PKP4: variants seen among roughly 807,000 people sequenced by gnomAD.
The protein encoded by PKP4 is plakophilin 4.
A neutral mutation model predicts 145.1 loss-of-function variants in PKP4; 90 were observed. The observed-to-expected ratio is 0.62, with a 90% CI of 0.52 to 0.74. The LOEUF (loss-of-function observed/expected upper bound fraction) is 0.74, where lower values mean the gene tolerates loss of function less well. Ranked by LOEUF, PKP4 falls within the 30% of genes least tolerant of loss-of-function variation. The probability of loss-of-function intolerance (pLI) is 0.00; values close to 1 mark genes in which losing one functional copy is unlikely to be tolerated. For synonymous variants in PKP4, 563 were observed against 577.2 expected, an observed-to-expected ratio of 0.98 and a Z score of 0.35; for missense variants, 1,340 against 1,482.7, an observed-to-expected ratio of 0.90 and a Z score of 1.58.
intron 3 of PKP4, among the ~76,000 whole-genome samples, chr2:158,592,339 G>C (rs906776912): frequency 6.6e-6 from 1 of 151,984 alleles, no homozygotes. Context: ...ATGCTATGTA[G>C]AATATTGACT....
intron 2 of PKP4, among the ~76,000 whole-genome samples, chr2:158,555,637 A>T (rs1160453517): frequency 6.6e-6 from 1 of 152,234 alleles, no homozygotes; most frequent in South Asian, 2.1e-4. Context: ...GGATGTGAAG[A>T]TGGATGGTAA....
chr2:158,569,007 G>A (rs779364992), intron 2 of PKP4, among the ~76,000 whole-genome samples: 2 of 152,112 alleles, frequency 1.3e-5, no homozygotes, highest in Non-Finnish European at 2.9e-5. Flanking sequence ...GGGGTATGTA[G>A]GAAAAGCATG....
chr2:158,487,971 A>G (rs1312099430), intron 1 of PKP4, among the ~76,000 whole-genome samples: 1 of 152,162 alleles, frequency 6.6e-6, no homozygotes, highest in African/African-American at 2.4e-5. Context: ...GAAAATATTG[A>G]TTCGTTTCTT....
intron 3 of PKP4, among the ~76,000 whole-genome samples, chr2:158,600,342 G>T (rs529836736): frequency 6.6e-6 from 1 of 152,154 alleles, no homozygotes; most frequent in African/African-American, 2.4e-5. Context: ...CTCCTAGAAC[G>T]CAAGCTGCTT....
At chr2:158,627,966 ATTTT>A (rs2052972782) in intron 7 of PKP4, among the ~76,000 whole-genome samples, 1 of 151,140 alleles carries the variant, frequency 6.6e-6, no homozygotes, top group Non-Finnish European at 1.5e-5. Flanking sequence ...TTTTTTATTT[ATTTT>A]TATTTATTTT....
At position 158,514,957 on chromosome 2, in the gene PKP4, A is replaced by G. The variant is rs1481549486; in HGVS notation, c.-5-18223A>G. 4.6e-5 allele frequency among the ~76,000 whole-genome samples: 7 copies of G among 152,216 alleles called. No homozygotes were observed. In the East Asian group the frequency reaches 1.3e-3, roughly 29 times the overall value. ...CGCTGTCTCAAAAAAAAAAATTGCA[A>G]ATTACTCAATGCATCATTGCTTAAA... On this transcript the variant is annotated intron_variant, in intron 1 of 21. Coordinates refer to ENST00000389759, the MANE Select transcript of PKP4 (RefSeq NM_003628.6).
rs755842372 is a variant in PKP4 at position 158,621,080 on chromosome 2, C to A, written c.371C>A (p.Thr124Asn). The part of the protein sequence containing the change: ...YLIRTEPEQG[T>N]LYSPEQTSLH... ...ATCAGGACAGAGCCAGAACAAGGAA[C>A]CCTCTATTCACCAGAACAGACATCT... is the stretch of plus-strand genomic sequence containing the variant. The change falls in exon 5 of 22, where the codon ACC (threonine) becomes AAC (asparagine). Residue 124 changes from threonine (T) to asparagine (N), a missense_variant. Thr to Asn is a moderately conservative substitution (Grantham distance 65). Transcript: ENST00000389759. The A allele has an allele frequency of 6.2e-7, 1 of 1,614,124 alleles. No homozygotes were observed. Among genetic ancestry groups the A allele is most frequent in the South Asian group, 1.1e-5 (1 of 91,088 alleles).
intron 1 of PKP4, among the ~76,000 whole-genome samples, chr2:158,495,086 C>T (rs1441944665): frequency 2.0e-5 from 3 of 151,838 alleles, no homozygotes; most frequent in South Asian, 2.1e-4. Flanking sequence ...GGCACGGTGG[C>T]GGGCATCTGT....
At chr2:158,538,811 G>A (rs769990016) in intron 2 of PKP4, among the ~76,000 whole-genome samples, 1 of 151,984 alleles carries the variant, frequency 6.6e-6, no homozygotes, top group Non-Finnish European at 1.5e-5. Context: ...CAAAGTGCTG[G>A]GATTACAGGT....
At chr2:158,642,109 C>T (rs1418997521) in intron 10 of PKP4, among the ~76,000 whole-genome samples, 1 of 152,134 alleles carries the variant, frequency 6.6e-6, no homozygotes, top group Non-Finnish European at 1.5e-5. Context: ...GCAACCTCCA[C>T]CTCCCAGGTT....
At chr2:158,481,419 G>T (rs548140006) in intron 1 of PKP4, among the ~76,000 whole-genome samples, 5 of 152,182 alleles carry the variant, frequency 3.3e-5, no homozygotes, top group Non-Finnish European at 5.9e-5. Flanking sequence ...GAGAGGAGTT[G>T]CTGGGTCATA....
intron 4 of PKP4, among the ~76,000 whole-genome samples, chr2:158,606,609 A>C (rs939504060): frequency 6.6e-6 from 1 of 152,208 alleles, no homozygotes; most frequent in Non-Finnish European, 1.5e-5. Flanking sequence ...CAAGCTCATC[A>C]CTTAGCCTTT....
At chr2:158,551,950 C>A (rs2045665536) in intron 2 of PKP4, among the ~76,000 whole-genome samples, 1 of 152,162 alleles carries the variant, frequency 6.6e-6, no homozygotes, top group South Asian at 2.1e-4. Context: ...ATAATGCTCT[C>A]CTCCCCAGAG....
chr2:158,676,282 T>G (rs561197510), intron 19 of PKP4, among the ~76,000 whole-genome samples: 1 of 152,358 alleles, frequency 6.6e-6, no homozygotes, highest in East Asian at 1.9e-4. Context: ...ATAAAACTTC[T>G]GTTGGCTGAA....
At chr2:158,477,437 AAAT>A (rs1692659943) in intron 1 of PKP4, among the ~76,000 whole-genome samples, 1 of 152,186 alleles carries the variant, frequency 6.6e-6, no homozygotes, top group Non-Finnish European at 1.5e-5. Context: ...TGCTTTTGAC[AAAT>A]AAGAAATTAG....
intron 17 of PKP4, among the ~76,000 whole-genome samples, chr2:158,671,731 A>C (rs1303415288): frequency 6.6e-6 from 1 of 152,188 alleles, no homozygotes; most frequent in Admixed American, 6.5e-5. Flanking sequence ...TCCATGGGTG[A>C]GGTAGACGCA....
At chr2:158,521,346 C>G (rs949676119) in intron 1 of PKP4, among the ~76,000 whole-genome samples, 2 of 152,200 alleles carry the variant, frequency 1.3e-5, no homozygotes, top group Admixed American at 6.5e-5. Flanking sequence ...TATTGGTCAT[C>G]TAGATTTTCT....
chr2:158,474,221 C>T (rs1384146594), intron 1 of PKP4, among the ~76,000 whole-genome samples: 3 of 152,174 alleles, frequency 2.0e-5, no homozygotes, highest in Non-Finnish European at 2.9e-5. Context: ...AGGGAAGCTC[C>T]GAAAGTACAA....
intron 1 of PKP4, among the ~76,000 whole-genome samples, chr2:158,459,827 C>G (rs1689492054): frequency 6.6e-6 from 1 of 152,044 alleles, no homozygotes; most frequent in African/African-American, 2.4e-5. Context: ...CACACACACA[C>G]GATTGGCTGT....
Sources: allele counts gnomAD v4.1 joint callset (sites outside exome capture counted in the v4.1 genomes callset), GRCh38; gene constraint gnomAD v4.1.1; transcripts MANE v1.5; gene names NCBI Gene and HGNC (gene_info 2026-07-23, HGNC 2026-07-21).